The following PUM2 variants were observed in gnomAD, a reference collection of about 807,000 sequenced individuals.
The protein encoded by PUM2 is pumilio homolog 2.
A neutral mutation model predicts 124.5 loss-of-function variants in PUM2; 57 were observed. That is an observed-to-expected ratio of 0.46 (90% CI 0.37 to 0.57). PUM2 has a LOEUF of 0.57. Among genes scored for constraint, PUM2 ranks in the 20% least tolerant of loss-of-function variants. The probability of loss-of-function intolerance (pLI) is 0.00; values close to 1 mark genes in which losing one functional copy is unlikely to be tolerated. For missense variants in PUM2, 1,065 were observed against 1,290.6 expected, an observed-to-expected ratio of 0.83 and a Z score of 2.68; for synonymous variants, 460 against 446.1, an observed-to-expected ratio of 1.03 and a Z score of -0.39.
intron 12 of PUM2, among the ~76,000 whole-genome samples, chr2:20,280,401 G>A (rs914775201): frequency 1.3e-5 from 2 of 152,190 alleles, no homozygotes; most frequent in African/African-American, 4.8e-5. Context: ...TCTTGAGTTG[G>A]TTTTGGTAAA....
chr2:20,338,523 T>C (rs1007597392), intron 1 of PUM2, among the ~76,000 whole-genome samples: 2 of 152,232 alleles, frequency 1.3e-5, no homozygotes, highest in African/African-American at 4.8e-5. Flanking sequence ...CAAACAATCC[T>C]TCTCTTAATT....
At chr2:20,261,073 A>T (rs1339678765) in intron 14 of PUM2, among the ~76,000 whole-genome samples, 1 of 152,126 alleles carries the variant, frequency 6.6e-6, no homozygotes, top group Non-Finnish European at 1.5e-5. Flanking sequence ...TGATGACATA[A>T]ACCTACTGCA....
intron 7 of PUM2, among the ~76,000 whole-genome samples, chr2:20,304,660 A>C (rs1381875530): frequency 1.3e-5 from 2 of 152,142 alleles, no homozygotes; most frequent in African/African-American, 2.4e-5. Context: ...GTCAACTCAC[A>C]CTCTAAAAAT....
chr2:20,344,034 A>G (rs1380316770), intron 1 of PUM2, among the ~76,000 whole-genome samples: 1 of 151,782 alleles, frequency 6.6e-6, no homozygotes, highest in African/African-American at 2.4e-5. Context: ...AACAGATACA[A>G]GGTTTCATAG....
At chr2:20,348,188 T>A (rs1015336249) in intron 1 of PUM2, among the ~76,000 whole-genome samples, 7 of 150,896 alleles carry the variant, frequency 4.6e-5, no homozygotes, top group African/African-American at 7.3e-5. Context: ...ATAATAATAA[T>A]AAAGAAAAAA....
rs1005069958 is a variant in PUM2, at chr2:20,251,403, C to T, written c.*182G>A. On this transcript the variant is annotated 3_prime_UTR_variant, in exon 21 of 21. Coordinates refer to ENST00000361078, the MANE Select transcript of PUM2 (RefSeq NM_015317.5). ...GGGCTGAATATAATTTATAATTCAT[C>T]CCCCACCCCCCAAATATACACAAGA... The T allele has an allele frequency of 2.0e-5, 13 of 660,032 alleles. No individual in the cohort carries two copies. The highest frequency in any genetic ancestry group is 2.9e-5 in the Non-Finnish European group (12 of 419,660). 40.9% of individuals were successfully genotyped at this position (660,032 alleles called of 1,614,324 possible).
At chr2:20,351,080 C>T (rs745577084), upstream of PUM2, among the ~76,000 whole-genome samples, 3 of 152,204 alleles carry the variant, frequency 2.0e-5, no homozygotes, top group Admixed American at 6.5e-5. Context: ...TGGGCTCCGC[C>T]GCGGCGGGCT....
Position 20,254,953 on chromosome 2 carries a change from A to G in PUM2, c.2780T>C (p.Val927Ala). ...DQYGNYVIQH[V>A]LEHGRPEDKS... ...GTCTTCAGGTCGACCGTGTTCCAGT[A>G]CATGCTGAATAACATAATTGCCATA... The change falls in exon 19 of 21, where the codon GTA (valine) becomes GCA (alanine). Residue 927 changes from valine to alanine, a missense_variant. Transcript: ENST00000361078. 6.2e-7 allele frequency: 1 copy of G among 1,613,760 alleles called. No homozygotes were observed. The highest frequency in any genetic ancestry group is 8.5e-7 in the Non-Finnish European group (1 of 1,179,702).
chr2:20,269,866 G>C (rs548435816), intron 13 of PUM2, among the ~76,000 whole-genome samples: 12 of 152,146 alleles, frequency 7.9e-5, no homozygotes, highest in African/African-American at 2.9e-4. Flanking sequence ...ACCATACAAG[G>C]TATTTAACAA....
chr2:20,320,439 AAAC>A (rs747477203), intron 2 of PUM2, among the ~76,000 whole-genome samples: 2 of 152,204 alleles, frequency 1.3e-5, no homozygotes, highest in Admixed American at 6.5e-5. Context: ...CACAATAGGA[AAAC>A]AACAACAAAC....
intron 1 of PUM2, among the ~76,000 whole-genome samples, chr2:20,337,321 G>GT (rs1228166368): frequency 6.6e-6 from 1 of 150,972 alleles, no homozygotes; most frequent in Non-Finnish European, 1.5e-5. Flanking sequence ...TTTGTTTTTT[G>GT]TAAGTCCTCA....
intron 7 of PUM2, among the ~76,000 whole-genome samples, chr2:20,299,194 C>T (rs904429344): frequency 4.6e-5 from 7 of 152,166 alleles, no homozygotes; most frequent in African/African-American, 1.7e-4. Flanking sequence ...GGGTGGAAAG[C>T]AGTCCTGGAG....
Position 20,350,771 on chromosome 2 carries a change from G to A in PUM2, c.-193C>T. ...CTCCTTCTCCTCCCCCTCCTCCTCC[G>A]AACCACCGAAGTACCGAGGGTGAGA... On this transcript the variant is annotated 5_prime_UTR_variant, in exon 1 of 21. Transcript: ENST00000361078. The A allele has an allele frequency of 1.1e-6, 1 of 872,332 alleles. No homozygotes were observed. Among genetic ancestry groups the A allele is most frequent in the South Asian group, 5.6e-5 (1 of 17,834 alleles). 54.0% of individuals were successfully genotyped at this position (872,332 alleles called of 1,614,324 possible). A position where few individuals can be genotyped will look rare whatever the true frequency, so the allele number is the denominator to read the frequency against.
chr2:20,282,293 G>A (rs1305627510), intron 12 of PUM2, among the ~76,000 whole-genome samples: 1 of 152,186 alleles, frequency 6.6e-6, no homozygotes, highest in African/African-American at 2.4e-5. Flanking sequence ...ATTTAGTGAA[G>A]CTATTTAAAA....
chr2:20,276,489 T>C (rs1180234146), intron 13 of PUM2, among the ~76,000 whole-genome samples: 1 of 152,084 alleles, frequency 6.6e-6, no homozygotes, highest in Non-Finnish European at 1.5e-5. Flanking sequence ...TATCTCTATC[T>C]CATGATTTCA....
At chr2:20,297,188 A>T (rs912715577) in intron 8 of PUM2, among the ~76,000 whole-genome samples, 1 of 152,164 alleles carries the variant, frequency 6.6e-6, no homozygotes, top group Non-Finnish European at 1.5e-5. Context: ...CCCCTGACCT[A>T]TGTATGCAGG....
At chr2:20,339,048 G>A (rs1052782692) in intron 1 of PUM2, among the ~76,000 whole-genome samples, 1 of 152,024 alleles carries the variant, frequency 6.6e-6, no homozygotes, top group African/African-American at 2.4e-5. Flanking sequence ...ATATATGGAA[G>A]GATCCAAATA....
chr2:20,326,319 G>A, intron 2 of PUM2: 1 of 1,303,900 alleles, frequency 7.7e-7, no homozygotes, highest in Non-Finnish European at 1.0e-6. Flanking sequence ...CTGAAGAAGG[G>A]GAGGGTTAGC....
rs1662812343 is a variant in PUM2, at chr2:20,249,594, A to G, written c.*1991T>C. ...ACTTTATGCCATTATTTTTAGGTTC[A>G]TAATATGAACAACTAAGTGATAAAA... On this transcript the variant is annotated 3_prime_UTR_variant, in exon 21 of 21. Coordinates refer to ENST00000361078, the MANE Select transcript of PUM2 (RefSeq NM_015317.5). 6.5e-6 allele frequency: 1 copy of G among 152,686 alleles called. No individual in the cohort carries two copies. The highest frequency in any genetic ancestry group is 2.4e-5 in the African/African-American group (1 of 41,468). 9.5% of individuals were successfully genotyped at this position (152,686 alleles called of 1,614,324 possible). A position where few individuals can be genotyped will look rare whatever the true frequency, so the allele number is the denominator to read the frequency against.
Sources: gnomAD v4.1 joint callset for allele counts (sites outside exome capture counted in the v4.1 genomes callset) on GRCh38, gnomAD v4.1.1 for gene constraint, MANE v1.5 for transcripts, NCBI Gene and HGNC (gene_info 2026-07-23, HGNC 2026-07-21) for gene names.